TSPEAR: variants seen among roughly 807,000 people sequenced by gnomAD.
The protein encoded by TSPEAR is thrombospondin type laminin G domain and EAR repeats, also known as thrombospondin-type laminin G domain and EAR repeat-containing protein.
A neutral mutation model predicts 71.6 loss-of-function variants in TSPEAR; 69 were observed. The ratio of observed to expected loss-of-function variants is 0.96; its 90% CI spans 0.79 to 1.18. TSPEAR has a LOEUF of 1.18. TSPEAR is among the 50% of genes most tolerant of loss of function. The pLI, the probability that TSPEAR is intolerant of heterozygous loss-of-function variation, is 0.00. For synonymous variants in TSPEAR, 402 were observed against 387.2 expected, an observed-to-expected ratio of 1.04 and a Z score of -0.45; for missense variants, 971 against 894.9, an observed-to-expected ratio of 1.09 and a Z score of -1.09.
chr21:44,637,533 C>T (rs782057282), intron 1 of TSPEAR: 1 of 1,613,602 alleles, frequency 6.2e-7, no homozygotes, highest in Non-Finnish European at 8.5e-7. Context: ...CCCAGCTTGA[C>T]CCTGGTCTGC....
At position 44,684,718 on chromosome 21, in the gene TSPEAR, G is replaced by A. The variant is rs369019945; in HGVS notation, c.82+26715C>T. Among the ~76,000 whole-genome samples the A allele has an allele frequency of 2.8e-4, 43 of 152,244 alleles. 1 individual carries two copies. The South Asian group carries it at 7.9e-3, about 28-fold the overall frequency. On this transcript the variant is annotated intron_variant, in intron 1 of 11. Coordinates refer to ENST00000323084, the MANE Select transcript of TSPEAR (RefSeq NM_144991.3). Reference sequence around the variant, plus strand: ...AGGGCCAGGCAACGTGCACGGATGTGCTTTAGGTTGACTAGGACGAGGCCA... The same window carrying A: ...AGGGCCAGGCAACGTGCACGGATGTACTTTAGGTTGACTAGGACGAGGCCA...
intron 2 of TSPEAR, among the ~76,000 whole-genome samples, chr21:44,563,936 G>A (rs1235502957): frequency 6.6e-6 from 1 of 152,142 alleles, no homozygotes; most frequent in Non-Finnish European, 1.5e-5. Flanking sequence ...GCACATCACA[G>A]CCTTTTTGCA....
chr21:44,615,816 G>T (rs1359144673), intron 1 of TSPEAR, among the ~76,000 whole-genome samples: 2 of 152,220 alleles, frequency 1.3e-5, no homozygotes, highest in Non-Finnish European at 2.9e-5. Flanking sequence ...TCTGTGCACT[G>T]CCCTGGTGAC....
chr21:44,609,121 T>C (rs1981497923), intron 1 of TSPEAR, among the ~76,000 whole-genome samples: 1 of 152,112 alleles, frequency 6.6e-6, no homozygotes, highest in Non-Finnish European at 1.5e-5. Context: ...ACAAAAGAGT[T>C]CCATAGAACA....
At position 44,564,268 on chromosome 21, in the gene TSPEAR, T is replaced by C. The variant is rs182521512; in HGVS notation, c.303+3517A>G. ...TTGCAAATACAAAATTCATAAAAAA[T>C]GAGGTCAACTGTATATCAATAACAA... On this transcript the variant is annotated intron_variant, in intron 2 of 11. Coordinates refer to ENST00000323084, the MANE Select transcript of TSPEAR (RefSeq NM_144991.3). 2.1e-3 allele frequency among the ~76,000 whole-genome samples: 320 copies of C among 152,262 alleles called. 1 individual carries two copies. The highest frequency in any genetic ancestry group is 6.9e-3 in the African/African-American group (287 of 41,550).
chr21:44,526,615 G>A (rs1443913469), intron 7 of TSPEAR, among the ~76,000 whole-genome samples: 1 of 152,264 alleles, frequency 6.6e-6, no homozygotes, highest in Non-Finnish European at 1.5e-5. Context: ...CTTTAGCCCT[G>A]TGTCCAGGCA....
rs759715805 is a variant in TSPEAR at position 44,623,857 on chromosome 21, T to C, written c.83-55852A>G. On this transcript the variant is annotated intron_variant, in intron 1 of 11. Coordinates refer to ENST00000323084, the MANE Select transcript of TSPEAR (RefSeq NM_144991.3). This position sits in a 1 kb window ranked among gnomAD's most constrained non-coding sequence, Gnocchi z 4.5. The stretch of plus-strand genomic sequence containing the variant: ...CTGTTTTTAAATTTTTCTCTGTCTT[T>C]GGATTTCAGCCCCAATATGCACAGG... 2.6e-5 allele frequency among the ~76,000 whole-genome samples: 4 copies of C among 152,230 alleles called. No individual in the cohort carries two copies. Among genetic ancestry groups the C allele is most frequent in the African/African-American group, 4.8e-5 (2 of 41,466 alleles).
chr21:44,605,567 G>A (rs1470163080), intron 1 of TSPEAR, among the ~76,000 whole-genome samples: 1 of 152,284 alleles, frequency 6.6e-6, no homozygotes, highest in African/African-American at 2.4e-5. Context: ...TAAAGCTATT[G>A]TAATCCAAAC....
intron 1 of TSPEAR, among the ~76,000 whole-genome samples, chr21:44,599,171 T>TCTCTCTCTCTCTCTCTCTCTCTCTCA (rs1569210763): frequency 8.0e-6 from 1 of 125,074 alleles, no homozygotes; most frequent in Non-Finnish European, 1.6e-5. Context: ...TCTCTCTCTC[T>TCTCTCTCTCTCTCTCTCTCTCTCTCA]CCTTCCATCC....
At chr21:44,680,249 CA>C (rs1555947703) in intron 1 of TSPEAR, among the ~76,000 whole-genome samples, 1 of 152,056 alleles carries the variant, frequency 6.6e-6, no homozygotes, top group Non-Finnish European at 1.5e-5. Context: ...AGGCATCTCT[CA>C]AAAGAAGACA....
intron 1 of TSPEAR, among the ~76,000 whole-genome samples, chr21:44,650,419 A>ATGG (rs1555941191): frequency 2.0e-5 from 3 of 152,208 alleles, no homozygotes; most frequent in Non-Finnish European, 2.9e-5. Context: ...CCATGTGACG[A>ATGG]CGGCGGCAGA....
Position 44,666,543 on chromosome 21 carries a change from T to C in TSPEAR, c.82+44890A>G, listed in dbSNP as rs782802920. 10 of 1,612,624 alleles carry C rather than the reference T, an allele frequency of 6.2e-6. No homozygotes were observed. The South Asian group carries it at 8.8e-5, about 14-fold the overall frequency. ...AGAGGACTGGCAGGACGGAGCCGCATACACGACAGGCCTGCAGCTCACAGG... is the reference window on the plus strand; with the variant it reads ...AGAGGACTGGCAGGACGGAGCCGCACACACGACAGGCCTGCAGCTCACAGG... On this transcript the variant is annotated intron_variant, in intron 1 of 11. Transcript: ENST00000323084.
intron 1 of TSPEAR, among the ~76,000 whole-genome samples, chr21:44,665,124 G>C (rs1555944418): frequency 2.0e-5 from 3 of 152,194 alleles, no homozygotes; most frequent in African/African-American, 7.2e-5. Flanking sequence ...TGGGTTGATT[G>C]GTTCCATTTC....
intron 2 of TSPEAR, chr21:44,558,093 G>A (rs2053564817): frequency 1.2e-6 from 2 of 1,612,852 alleles, no homozygotes; most frequent in South Asian, 2.2e-5. Flanking sequence ...GCAGCACGCG[G>A]AAGAGAGGCG....
chr21:44,551,604 C>T (rs1269564434), intron 2 of TSPEAR: 1 of 1,146,246 alleles, frequency 8.7e-7, no homozygotes, highest in Non-Finnish European at 1.2e-6. Flanking sequence ...GGAGACTCAG[C>T]AACGCCCTCC....
chr21:44,540,191 A>T, intron 2 of TSPEAR: 1 of 1,597,726 alleles, frequency 6.3e-7, no homozygotes, highest in Non-Finnish European at 8.5e-7. Flanking sequence ...GGTGTGAGTG[A>T]GTGAGTGTGG....
intron 1 of TSPEAR, among the ~76,000 whole-genome samples, chr21:44,701,327 A>G (rs1032624704): frequency 1.3e-5 from 2 of 152,180 alleles, no homozygotes; most frequent in Admixed American, 1.3e-4. Context: ...GTCATCCTAC[A>G]GTGCTATCTA....
chr21:44,600,601 T>C (rs782692391), intron 1 of TSPEAR: 1 of 1,604,158 alleles, frequency 6.2e-7, no homozygotes, highest in Admixed American at 1.7e-5. Context: ...CACTCCCATC[T>C]CCTCCAGTTC....
chr21:44,645,790 TGCTTC>T (rs1984297712), intron 1 of TSPEAR, among the ~76,000 whole-genome samples: 1 of 152,118 alleles, frequency 6.6e-6, no homozygotes, highest in Non-Finnish European at 1.5e-5. Flanking sequence ...GAAACAGAAT[TGCTTC>T]CTTTGGAGAA....
Sources: gnomAD v4.1 joint callset for allele counts (sites outside exome capture counted in the v4.1 genomes callset) on GRCh38, gnomAD v4.1.1 for gene constraint, Gnocchi (gnomAD v3.1) non-coding constraint, MANE v1.5 for transcripts, NCBI Gene and HGNC (gene_info 2026-07-23, HGNC 2026-07-21) for gene names.